MFSD12: variants seen among roughly 807,000 people sequenced by gnomAD.
The protein encoded by MFSD12 is major facilitator superfamily domain containing 12, also known as major facilitator superfamily domain-containing protein 12.
In MFSD12, 67 loss-of-function variants were observed where a neutral mutation model predicts 51.2. The ratio of observed to expected loss-of-function variants is 1.31; its 90% CI spans 1.08 to 1.60. The LOEUF is 1.60. Among genes scored for constraint, MFSD12 ranks in the 40% most tolerant of loss-of-function variants. The probability of loss-of-function intolerance (pLI) is 0.00; values close to 1 mark genes in which losing one functional copy is unlikely to be tolerated. For missense variants in MFSD12, 921 were observed against 673.0 expected (o/e 1.37, Z -4.08); for synonymous variants, 441 against 316.7 (o/e 1.39, Z -4.17).
chr19:3,539,584 TGAGA>T (rs922559917), downstream of MFSD12: 9 of 332,576 alleles, frequency 2.7e-5, no homozygotes, highest in East Asian at 1.5e-4. Context: ...CTTCTGTGGC[TGAGA>T]GAGTCTGTCC....
downstream of MFSD12, chr19:3,541,767 C>T: frequency 4.1e-6 from 4 of 985,368 alleles, no homozygotes; most frequent in Non-Finnish European, 4.8e-6. Flanking sequence ...ACGGGGCCGA[C>T]AGCAGGGGTG....
intron 8 of MFSD12, 90 bp from the exon 9 acceptor site, chr19:3,545,029 G>C: frequency 4.7e-6 from 7 of 1,481,940 alleles, no homozygotes; most frequent in East Asian, 2.5e-5. Flanking sequence ...ACCCCCGACA[G>C]CGGCTCCGTC....
At chr19:3,541,864 A>G (rs2030445557), downstream of MFSD12, 2 of 918,406 alleles carry the variant, frequency 2.2e-6, no homozygotes, top group Non-Finnish European at 2.6e-6. Context: ...GCTGGAGTGC[A>G]GTGACGCAAT....
intron 6 of MFSD12, among the ~76,000 whole-genome samples, chr19:3,546,675 C>T (rs534220501): frequency 1.2e-4 from 18 of 152,364 alleles, no homozygotes; most frequent in South Asian, 2.1e-4. Flanking sequence ...TCAGTTACAA[C>T]GAAAGCAAAC....
chr19:3,538,278 G>T (rs111617152), exon 5 of MFSD12: 2,714 of 166,970 alleles, frequency 0.016, 75 homozygotes, highest in African/African-American at 0.052. Flanking sequence ...GGTTTGGTTT[G>T]GTTTTGTTTT....
intron 8 of MFSD12, among the ~76,000 whole-genome samples, chr19:3,545,433 C>G (rs571479730): frequency 2.6e-5 from 4 of 152,272 alleles, no homozygotes; most frequent in Non-Finnish European, 4.4e-5. Context: ...CAGGCCTCCT[C>G]CCTGTTCTTC....
Position 3,553,451 on chromosome 19 carries a change from C to T in MFSD12, c.299-2257G>A, listed in dbSNP as rs148705106. Among the ~76,000 whole-genome samples the T allele has an allele frequency of 4.7e-3, 657 of 139,204 alleles. 5 individuals carry two copies. The highest frequency in any genetic ancestry group is 0.017 in the African/African-American group (621 of 36,562). 91.3% of individuals were successfully genotyped at this position (139,204 alleles called of 152,430 possible). A position where few individuals can be genotyped will look rare whatever the true frequency, so the allele number is the denominator to read the frequency against. On this transcript the variant is annotated intron_variant, in intron 1 of 9. Transcript: ENST00000355415. Reference sequence around the variant, plus strand: ...TCGTGCCACTGCGCTCCAGCCTGGGCGACAGAGCGAGACCCTGTCAAGAAA... The same window carrying T: ...TCGTGCCACTGCGCTCCAGCCTGGGTGACAGAGCGAGACCCTGTCAAGAAA...
In MFSD12 at chr19:3,546,280, G is replaced by T. The variant is rs199864651; in HGVS notation, c.1169C>A (p.Thr390Lys). ...CGTGTGGGGACCGATGAGGTCGGCC[G>T]TCATGGCCAGCGAGGTGACGAGGAT... ...ATILVTSLAM[T>K]ADLIGPHTNS... Residue 390 changes from threonine to lysine, a missense_variant, in exon 7 of 10, where the codon ACG becomes AAG. Physicochemically the swap from Thr to Lys is moderately conservative, Grantham distance 78 (BLOSUM62 -1). Coordinates refer to ENST00000355415, the MANE Select transcript of MFSD12 (RefSeq NM_174983.5). The T allele has an allele frequency of 1.2e-5, 19 of 1,610,404 alleles. No individual in the cohort carries two copies. Among genetic ancestry groups the T allele is most frequent in the Non-Finnish European group, 8.5e-7 (1 of 1,179,086 alleles).
At chr19:3,545,060 GGGC>G in intron 8 of MFSD12, 121 bp from the exon 9 acceptor site, 5 of 1,348,548 alleles carry the variant, frequency 3.7e-6, no homozygotes, top group Non-Finnish European at 4.9e-6. Flanking sequence ...CAGGAGCTGG[GGGC>G]CCTGCCACTC....
At position 3,547,831 on chromosome 19, in the gene MFSD12, C is replaced by A; in HGVS notation, c.837+17G>T. The A allele has an allele frequency of 1.4e-6, 2 of 1,477,908 alleles. No individual in the cohort carries two copies. Among genetic ancestry groups the A allele is most frequent in the Non-Finnish European group, 1.8e-6 (2 of 1,116,628 alleles). The allele number at this position is 1,477,908 out of a possible 1,614,324, so 91.5% of individuals were successfully genotyped here. ...GGAGAGAAGGCCCACGCCAGCCCCA[C>A]CGTCCCCAGCACGCACCTGGTAGAA... On this transcript the variant is annotated intron_variant, in intron 4 of 9. Coordinates refer to ENST00000355415, the MANE Select transcript of MFSD12 (RefSeq NM_174983.5).
intron 1 of MFSD12, among the ~76,000 whole-genome samples, chr19:3,556,284 C>T (rs943226986): frequency 1.3e-5 from 2 of 152,224 alleles, no homozygotes; most frequent in African/African-American, 2.4e-5. Flanking sequence ...GACAGACTGA[C>T]AAAGGAGGCG....
intron 8 of MFSD12, 115 bp from the exon 9 acceptor site, chr19:3,545,054 A>C (rs1198075828): frequency 3.6e-6 from 5 of 1,383,122 alleles, no homozygotes; most frequent in Admixed American, 2.5e-5. Context: ...CCAATCCAGG[A>C]GCTGGGGGCC....
chr19:3,543,480 GCCCCC>G (rs34196068), downstream of MFSD12: 198 of 1,338,738 alleles, frequency 1.5e-4, 3 homozygotes, highest in African/African-American at 3.0e-3. Context: ...TCGGGTGAGT[GCCCCC>G]CCCCCCGCCC....
At chr19:3,542,987 G>A, downstream of MFSD12, 1 of 1,583,234 alleles carries the variant, frequency 6.3e-7, no homozygotes, top group Non-Finnish European at 8.6e-7. Context: ...GCTGAGAACA[G>A]AAAGGTTTAG....
In MFSD12 at chr19:3,557,366, G is replaced by C. The variant is rs1335681842; in HGVS notation, c.38C>G (p.Ser13Cys). ...CGCCACCAGGGACAGCGGCCGCGGGGACGGCGCCGCTCCGGCCGCTGGGGG... is the reference window on the plus strand; with the variant it reads ...CGCCACCAGGGACAGCGGCCGCGGGCACGGCGCCGCTCCGGCCGCTGGGGG... ...PGPPAAGAAP[S>C]PRPLSLVARL... Residue 13 changes from serine to cysteine, a missense_variant, in exon 1 of 10, where the codon TCC becomes TGC. By Grantham distance (112) the Ser-to-Cys change is moderately radical. Transcript: ENST00000355415. 8.7e-6 allele frequency: 13 copies of C among 1,498,038 alleles called. No homozygotes were observed. The East Asian group carries it at 1.7e-4, about 20-fold the overall frequency. 92.8% of individuals were successfully genotyped at this position (1,498,038 alleles called of 1,614,324 possible). A position where few individuals can be genotyped will look rare whatever the true frequency, so the allele number is the denominator to read the frequency against.
chr19:3,543,354 C>G, downstream of MFSD12: 1 of 1,549,466 alleles, frequency 6.5e-7, no homozygotes, highest in Non-Finnish European at 8.7e-7. Flanking sequence ...ACAGGCCTGA[C>G]CAACTCGGAC....
chr19:3,545,056 C>T, intron 8 of MFSD12, 117 bp from the exon 9 acceptor site: 1 of 1,364,820 alleles, frequency 7.3e-7, no homozygotes, highest in Non-Finnish European at 9.8e-7. Context: ...AATCCAGGAG[C>T]TGGGGGCCCT....
intron 7 of MFSD12, 37 bp downstream of exon 7, chr19:3,546,218 C>A (rs1387020803): frequency 6.2e-7 from 1 of 1,606,910 alleles, no homozygotes; most frequent in East Asian, 2.2e-5. Flanking sequence ...GATCTAGGAC[C>A]CGGCCTCCCC....
rs2030775056 is a variant in MFSD12 at position 3,544,532 on chromosome 19, G to C, written c.*178C>G. 2.1e-6 allele frequency: 3 copies of C among 1,409,384 alleles called. No homozygotes were observed. The highest frequency in any genetic ancestry group is 2.8e-6 in the Non-Finnish European group (3 of 1,084,364). 87.3% of individuals were successfully genotyped at this position (1,409,384 alleles called of 1,614,324 possible). On this transcript the variant is annotated 3_prime_UTR_variant, in exon 10 of 10. Coordinates refer to ENST00000355415, the MANE Select transcript of MFSD12 (RefSeq NM_174983.5). ...CTCAAAACCCAGGGGGTCCTTGCAA[G>C]TCCCTGGCGGGCATCCCTGCTGCCC... is the stretch of plus-strand genomic sequence containing the variant.
Sources: allele counts gnomAD v4.1 joint callset (sites outside exome capture counted in the v4.1 genomes callset), GRCh38; gene constraint gnomAD v4.1.1; transcripts MANE v1.5; gene names NCBI Gene and HGNC (gene_info 2026-07-23, HGNC 2026-07-21).